Variants in DCAF6 observed in about 807,000 individuals in gnomAD.
DCAF6 encodes DDB1 and CUL4 associated factor 6.
In DCAF6, 54 loss-of-function variants were observed where a neutral mutation model predicts 125.1. The observed-to-expected ratio is 0.43, with a 90% CI of 0.35 to 0.54. DCAF6 has a LOEUF of 0.54. Ranked by LOEUF, DCAF6 falls within the 20% of genes least tolerant of loss-of-function variation. DCAF6 has a pLI of 0.01. For missense variants in DCAF6, 934 were observed against 1,161.7 expected, an observed-to-expected ratio of 0.80 and a Z score of 2.85; for synonymous variants, 371 against 390.4, an observed-to-expected ratio of 0.95 and a Z score of 0.58.
chr1:167,956,536 G>T (rs1299785995), intron 2 of DCAF6, among the ~76,000 whole-genome samples: 3 of 151,844 alleles, frequency 2.0e-5, no homozygotes. Context: ...TGTCTCCGTT[G>T]TTTTTCTGTT....
intron 12 of DCAF6, among the ~76,000 whole-genome samples, chr1:168,026,091 A>G (rs1686304658): frequency 6.6e-6 from 1 of 152,186 alleles, no homozygotes; most frequent in South Asian, 2.1e-4. Flanking sequence ...TACTCTCAAA[A>G]ATAATATAAC....
intron 2 of DCAF6, among the ~76,000 whole-genome samples, chr1:167,955,227 G>T (rs554978612): frequency 4.6e-5 from 7 of 152,280 alleles, no homozygotes; most frequent in Non-Finnish European, 8.8e-5. Context: ...AAATAAAGTT[G>T]CCATGAATAT....
upstream of DCAF6, among the ~76,000 whole-genome samples, chr1:167,933,490 C>A (rs943505518): frequency 6.6e-6 from 1 of 152,080 alleles, no homozygotes. Flanking sequence ...TGTTACCTGT[C>A]GAGACATACA....
intron 1 of DCAF6, among the ~76,000 whole-genome samples, chr1:167,947,940 T>G (rs1253289153): frequency 6.6e-6 from 1 of 152,208 alleles, no homozygotes; most frequent in Non-Finnish European, 1.5e-5. Context: ...TTTGTCTAGA[T>G]GATCTGTCTA....
At chr1:167,936,262 T>A (rs1557860591), upstream of DCAF6, 1 of 212,496 alleles carries the variant, frequency 4.7e-6, no homozygotes, top group Non-Finnish European at 9.6e-6. Context: ...CTCGAGGCCA[T>A]GTTGGAGAAG....
chr1:167,895,675 A>C, the DCAF6 span, among the ~76,000 whole-genome samples: 3 of 152,218 alleles, frequency 2.0e-5, no homozygotes. Context: ...AGGACAAAAG[A>C]CTGAAGCGAA....
upstream of DCAF6, among the ~76,000 whole-genome samples, chr1:167,934,835 G>C (rs1027478898): frequency 7.9e-5 from 12 of 152,058 alleles, no homozygotes; most frequent in African/African-American, 2.4e-4. Flanking sequence ...TCTGATGTTA[G>C]CCCCTAGCAA....
At chr1:167,875,894 A>T in the DCAF6 span, among the ~76,000 whole-genome samples, 601 of 152,174 alleles carry the variant, frequency 3.9e-3, 4 homozygotes, top group African/African-American at 0.014. Context: ...GGGAGCTTGC[A>T]GTGAGCCGAG....
chr1:168,003,743 AT>A, intron 8 of DCAF6, 126 bp from the exon 9 acceptor site: 1 of 799,458 alleles, frequency 1.3e-6, no homozygotes. Context: ...CATTCATACA[AT>A]TTATTTAGGA....
chr1:168,023,255 C>T (rs1685890138), intron 12 of DCAF6: 1 of 577,082 alleles, frequency 1.7e-6, no homozygotes, highest in Non-Finnish European at 3.1e-6. Context: ...TCATTTCTCA[C>T]TTTGGCCCTT....
At chr1:167,891,251 C>T in the DCAF6 span, among the ~76,000 whole-genome samples, 1 of 152,006 alleles carries the variant, frequency 6.6e-6, no homozygotes, top group Non-Finnish European at 1.5e-5. Flanking sequence ...TGAGCCATCA[C>T]GCTTGGCTCA....
intron 4 of DCAF6, among the ~76,000 whole-genome samples, chr1:167,975,837 G>A (rs1313232151): frequency 2.0e-5 from 3 of 152,130 alleles, no homozygotes; most frequent in African/African-American, 7.2e-5. Context: ...ATAGATGTGA[G>A]CCACTGTACT....
chr1:167,991,464 G>A (rs1557941781), intron 6 of DCAF6, 125 bp downstream of exon 6: 7 of 904,322 alleles, frequency 7.7e-6, no homozygotes, highest in Non-Finnish European at 9.2e-6. Flanking sequence ...GTTTAATATG[G>A]ATTATTATAA....
intron 9 of DCAF6, 86 bp downstream of exon 9, chr1:168,004,075 T>C (rs559336801): frequency 3.5e-6 from 5 of 1,437,812 alleles, no homozygotes; most frequent in South Asian, 2.7e-5. Context: ...ATGTAAATTA[T>C]ACCATGTTTT....
At chr1:168,023,405 G>C (rs1440766723) in intron 12 of DCAF6, 4 of 274,544 alleles carry the variant, frequency 1.5e-5, no homozygotes, top group Non-Finnish European at 2.1e-5. Flanking sequence ...GCTTATGTAG[G>C]ATAAGTTATT....
At chr1:167,986,243 G>A (rs1438471590) in intron 4 of DCAF6, among the ~76,000 whole-genome samples, 1 of 152,168 alleles carries the variant, frequency 6.6e-6, no homozygotes, top group Non-Finnish European at 1.5e-5. Context: ...GGTTATAGGA[G>A]AAGCATATGA....
chr1:167,908,578 A>C, the DCAF6 span, among the ~76,000 whole-genome samples: 2 of 152,220 alleles, frequency 1.3e-5, no homozygotes, highest in African/African-American at 4.8e-5. Context: ...AATGTTAAGT[A>C]TGTGAGATGA....
rs145937348 is a variant in DCAF6, at chr1:168,022,996, T to C, written c.1558T>C (p.Ser520Pro). 94 of 1,613,968 alleles carry C rather than the reference T, an allele frequency of 5.8e-5. No homozygotes were observed. The African/African-American group carries it at 1.1e-3, about 19-fold the overall frequency. Residue 520 changes from serine (S) to proline (P), a missense_variant, in exon 12 of 22, where the codon TCT becomes CCT. Physicochemically the swap from Ser to Pro is moderately conservative, Grantham distance 74. This residue lies in a region of DCAF6 where 559 missense variants were observed against 635.5 expected (regional missense o/e 0.88). Coordinates refer to ENST00000367840, the MANE Select transcript of DCAF6 (RefSeq NM_001198956.2). ...TCTCATTTTTGTTTCAGATTCTCCT[T>C]CTTCTGTGGTTAACAAACAGCTCGG... Reference protein sequence around the residue: ...SQDPHASDSPSSVVNKQLGSM... With the variant: ...SQDPHASDSPPSVVNKQLGSM...
rs150428384 is a variant in DCAF6, at chr1:167,954,222, C to T, written c.159+2361C>T. 7.1e-3 allele frequency among the ~76,000 whole-genome samples: 1,081 copies of T among 151,344 alleles called. 14 individuals are homozygous for T. The highest frequency in any genetic ancestry group is 0.025 in the African/African-American group (1,012 of 41,230). ...GGTTTCGCCGTGTTGGCTAGGCTGG[C>T]CTCGAACTCCTGACCTCAGGTGATC... On this transcript the variant is annotated intron_variant, in intron 2 of 21. Coordinates refer to ENST00000367840, the MANE Select transcript of DCAF6 (RefSeq NM_001198956.2).
Sources: gnomAD v4.1 joint callset for allele counts (sites outside exome capture counted in the v4.1 genomes callset) on GRCh38, gnomAD v4.1.1 for gene constraint, gnomAD v4.1.1 regional missense constraint, MANE v1.5 for transcripts, NCBI Gene and HGNC (gene_info 2026-07-23, HGNC 2026-07-21) for gene names.